LRRC2: variants seen among roughly 807,000 people sequenced by gnomAD.
LRRC2 encodes leucine rich repeat containing 2.
Under a neutral mutation model 40.2 loss-of-function variants are expected in LRRC2, and 27 were observed. The observed-to-expected ratio is 0.67, with a 90% CI of 0.49 to 0.93. The LOEUF (loss-of-function observed/expected upper bound fraction) is 0.93. Among genes scored for constraint, LRRC2 ranks in the 40% least tolerant of loss-of-function variants. LRRC2 has a pLI of 0.00. For synonymous variants in LRRC2, 147 were observed against 158.9 expected (o/e 0.92, Z 0.56); for missense variants, 402 against 439.6 (o/e 0.91, Z 0.76).
intron 8 of LRRC2, among the ~76,000 whole-genome samples, chr3:46,519,373 T>C (rs1703925580): frequency 6.6e-6 from 1 of 152,214 alleles, no homozygotes; most frequent in Non-Finnish European, 1.5e-5. Flanking sequence ...ACAGTATTAA[T>C]AGTTGACAAA....
chr3:46,543,200 G>A (rs1217238332), intron 3 of LRRC2, among the ~76,000 whole-genome samples: 1 of 152,146 alleles, frequency 6.6e-6, no homozygotes, highest in Non-Finnish European at 1.5e-5. Context: ...AGGGGATGGC[G>A]TATGGGGACA....
chr3:46,523,758 T>A (rs576907984), intron 7 of LRRC2, among the ~76,000 whole-genome samples: 1 of 151,870 alleles, frequency 6.6e-6, no homozygotes, highest in Non-Finnish European at 1.5e-5. Flanking sequence ...CATCCATCTA[T>A]CCACCCATTT....
In LRRC2 at chr3:46,515,675, A is replaced by G. The variant is rs1703847286; in HGVS notation, c.*3339T>C. The G allele has an allele frequency of 4.6e-5, 7 of 152,166 alleles. No homozygotes were observed. Among genetic ancestry groups the G allele is most frequent in the Admixed American group, 4.6e-4 (7 of 15,276 alleles). 9.4% of individuals were successfully genotyped at this position (152,166 alleles called of 1,614,324 possible). On this transcript the variant is annotated 3_prime_UTR_variant, in exon 9 of 9. Coordinates refer to ENST00000395905, the MANE Select transcript of LRRC2 (RefSeq NM_024512.5). ...CAATGCAGTATTTTTTTCATATGTG[A>G]CAGTGAAACAAGGTTTTTAAACAAA... is the stretch of plus-strand genomic sequence containing the variant.
intron 2 of LRRC2, among the ~76,000 whole-genome samples, chr3:46,547,947 T>A (rs1704565807): frequency 6.6e-6 from 1 of 152,212 alleles, no homozygotes; most frequent in East Asian, 1.9e-4. Context: ...GGGCAGACTC[T>A]AGGTCAAAGA....
intron 2 of LRRC2, among the ~76,000 whole-genome samples, chr3:46,548,275 A>G (rs1442826497): frequency 6.6e-6 from 1 of 152,032 alleles, no homozygotes; most frequent in East Asian, 1.9e-4. Context: ...TTATATACCA[A>G]ATCTATTTTG....
chr3:46,527,388 T>C (rs770859625), intron 7 of LRRC2, 38 bp downstream of exon 7: 1 of 1,610,864 alleles, frequency 6.2e-7, no homozygotes, highest in Admixed American at 1.7e-5. Context: ...TCCTTACCTG[T>C]GTCTGAGTGT....
chr3:46,565,324 G>A (rs1705033900), intron 1 of LRRC2, among the ~76,000 whole-genome samples: 1 of 152,182 alleles, frequency 6.6e-6, no homozygotes, highest in Admixed American at 6.5e-5. Context: ...ACGTGATGGA[G>A]CAAACAGCAC....
chr3:46,553,456 T>A (rs1286246490), intron 1 of LRRC2, among the ~76,000 whole-genome samples: 1 of 152,200 alleles, frequency 6.6e-6, no homozygotes, highest in Non-Finnish European at 1.5e-5. Context: ...ATCTTCTTTT[T>A]CTTTTTCTTT....
chr3:46,553,692 T>G (rs1223093540), intron 1 of LRRC2, among the ~76,000 whole-genome samples: 1 of 152,104 alleles, frequency 6.6e-6, no homozygotes, highest in Non-Finnish European at 1.5e-5. Context: ...CTCGCTATGT[T>G]ACCCAGGCTG....
At chr3:46,534,096 C>T (rs1704221848) in intron 4 of LRRC2, among the ~76,000 whole-genome samples, 1 of 151,928 alleles carries the variant, frequency 6.6e-6, no homozygotes, top group Admixed American at 6.6e-5. Context: ...CAGCCCCCAA[C>T]AGGCCCAGTG....
intron 4 of LRRC2, among the ~76,000 whole-genome samples, chr3:46,538,817 C>G (rs1245958647): frequency 6.6e-6 from 1 of 152,190 alleles, no homozygotes; most frequent in Non-Finnish European, 1.5e-5. Context: ...GGTTTCTGAG[C>G]AATTGGCAAG....
chr3:46,540,864 C>A (rs1421864618), intron 3 of LRRC2, among the ~76,000 whole-genome samples: 1 of 152,190 alleles, frequency 6.6e-6, no homozygotes, highest in African/African-American at 2.4e-5. Context: ...GGAACTGAGA[C>A]AAAATGAGTT....
intron 3 of LRRC2, 48 bp from the exon 4 acceptor site, chr3:46,539,249 A>C: frequency 1.9e-6 from 3 of 1,570,096 alleles, no homozygotes; most frequent in Non-Finnish European, 2.6e-6. Flanking sequence ...CTCCGTGTGC[A>C]CAAAGCCGTG....
chr3:46,534,256 C>T (rs1020386035), intron 4 of LRRC2, among the ~76,000 whole-genome samples: 21 of 152,160 alleles, frequency 1.4e-4, no homozygotes, highest in Admixed American at 6.5e-5. Context: ...AGGACACAAA[C>T]TCCTCCTTTT....
chr3:46,560,448 A>G (rs1034870343), intron 1 of LRRC2, among the ~76,000 whole-genome samples: 2 of 152,222 alleles, frequency 1.3e-5, no homozygotes, highest in Admixed American at 6.5e-5. Context: ...TTTCTTTAGG[A>G]CTATAGAAAT....
intron 1 of LRRC2, among the ~76,000 whole-genome samples, chr3:46,554,152 T>C (rs1704733712): frequency 6.6e-6 from 1 of 152,114 alleles, no homozygotes; most frequent in African/African-American, 2.4e-5. Context: ...CCCAAGTAGC[T>C]GGGACTACAG....
In LRRC2 at chr3:46,515,660, T is replaced by A. The variant is rs1703847066; in HGVS notation, c.*3354A>T. The A allele has an allele frequency of 6.6e-6, 1 of 152,164 alleles. No homozygotes were observed. Among genetic ancestry groups the A allele is most frequent in the South Asian group, 2.1e-4 (1 of 4,826 alleles). 9.4% of individuals were successfully genotyped at this position (152,164 alleles called of 1,614,324 possible). A position where few individuals can be genotyped will look rare whatever the true frequency, so the allele number is the denominator to read the frequency against. On this transcript the variant is annotated 3_prime_UTR_variant, in exon 9 of 9. Transcript: ENST00000395905. ...GAAATAATTATATATCAATGCAGTA[T>A]TTTTTTCATATGTGACAGTGAAACA...
intron 5 of LRRC2, among the ~76,000 whole-genome samples, chr3:46,531,689 C>T (rs779905436): frequency 2.0e-5 from 3 of 152,074 alleles, no homozygotes; most frequent in Non-Finnish European, 2.9e-5. Flanking sequence ...GAACCATGAC[C>T]CCTGGCTGTG....
Position 46,532,856 on chromosome 3 carries a change from T to A in LRRC2, c.544A>T (p.Ile182Phe). ...LNVGFNYLKSIPPELGDCENL... is the reference protein window; with the variant it reads ...LNVGFNYLKSFPPELGDCENL... ...TCACAATCTCCCAATTCTGGAGGAATGCTCTTCAGATAGTTGAAACCCACA... is the reference window on the plus strand; with the variant it reads ...TCACAATCTCCCAATTCTGGAGGAAAGCTCTTCAGATAGTTGAAACCCACA... Residue 182 changes from isoleucine (I) to phenylalanine (F), a missense_variant, in exon 5 of 9, where the codon ATT (isoleucine) becomes TTT (phenylalanine). Physicochemically the swap from Ile to Phe is conservative, Grantham distance 21. Coordinates refer to ENST00000395905, the MANE Select transcript of LRRC2 (RefSeq NM_024512.5). The A allele has an allele frequency of 3.7e-6, 6 of 1,613,886 alleles. No homozygotes were observed. Among genetic ancestry groups the A allele is most frequent in the Non-Finnish European group, 5.1e-6 (6 of 1,179,796 alleles).
Sources: allele counts gnomAD v4.1 joint callset (sites outside exome capture counted in the v4.1 genomes callset), GRCh38; gene constraint gnomAD v4.1.1; transcripts MANE v1.5; gene names NCBI Gene and HGNC (gene_info 2026-07-23, HGNC 2026-07-21).